Variants in SH3BGRL2 observed in about 807,000 individuals in gnomAD.
SH3BGRL2 encodes the protein SH3 domain binding glutamate rich protein like 2.
SH3BGRL2 carries 21 observed loss-of-function variants against 14.8 expected under a neutral mutation model. That is an observed-to-expected ratio of 1.42 (90% CI 1.01 to 2.05). The LOEUF (loss-of-function observed/expected upper bound fraction) is 2.05. Ranked by LOEUF, SH3BGRL2 falls within the 30% of genes most tolerant of loss-of-function variation. The pLI is 0.00. For missense variants in SH3BGRL2, 147 were observed against 130.8 expected (o/e 1.12, Z -0.61); for synonymous variants, 50 against 47.8 (o/e 1.05, Z -0.19).
At chr6:79,592,891 T>C in the SH3BGRL2 span, among the ~76,000 whole-genome samples, 2 of 152,180 alleles carry the variant, frequency 1.3e-5, no homozygotes, top group Non-Finnish European at 2.9e-5. Flanking sequence ...GTAGCAGAGC[T>C]CAGAATAAAA....
At chr6:79,614,239 C>T in the SH3BGRL2 span, among the ~76,000 whole-genome samples, 4 of 152,174 alleles carry the variant, frequency 2.6e-5, no homozygotes, top group Admixed American at 1.3e-4. Flanking sequence ...TTCTCATTCT[C>T]GTTTCACTGC....
the SH3BGRL2 span, among the ~76,000 whole-genome samples, chr6:79,577,714 G>A: frequency 6.6e-6 from 1 of 152,238 alleles, no homozygotes; most frequent in African/African-American, 2.4e-5. Context: ...CAATGCAGAA[G>A]ACAGGTGATT....
At chr6:79,594,962 T>C in the SH3BGRL2 span, among the ~76,000 whole-genome samples, 2 of 152,166 alleles carry the variant, frequency 1.3e-5, no homozygotes, top group Admixed American at 1.3e-4. Flanking sequence ...AGAGCAAAGA[T>C]TTCAAAATTT....
At chr6:79,678,272 T>C (rs1244170976) in intron 2 of SH3BGRL2, among the ~76,000 whole-genome samples, 1 of 150,776 alleles carries the variant, frequency 6.6e-6, no homozygotes, top group Non-Finnish European at 1.5e-5. Context: ...GATCTGAAAC[T>C]ATATCCCTTA....
At chr6:79,622,746 G>A in the SH3BGRL2 span, among the ~76,000 whole-genome samples, 1 of 152,104 alleles carries the variant, frequency 6.6e-6, no homozygotes, top group African/African-American at 2.4e-5. Context: ...GGGTTTTTAG[G>A]AATTACCAGG....
chr6:79,639,420 C>T (rs1768987997), intron 1 of SH3BGRL2, among the ~76,000 whole-genome samples: 1 of 152,126 alleles, frequency 6.6e-6, no homozygotes, highest in Non-Finnish European at 1.5e-5. Context: ...AAAACCCCAT[C>T]TCTACAAAAA....
intron 1 of SH3BGRL2, among the ~76,000 whole-genome samples, chr6:79,672,477 A>G (rs76700294): frequency 0.12 from 18,118 of 151,946 alleles, 1,231 homozygotes; most frequent in Non-Finnish European, 0.15. Flanking sequence ...TTTTTAACCT[A>G]CTAATATGTC....
chr6:79,581,691 T>C, the SH3BGRL2 span, among the ~76,000 whole-genome samples: 4 of 152,176 alleles, frequency 2.6e-5, no homozygotes, highest in Admixed American at 2.6e-4. Flanking sequence ...TCATACTGAA[T>C]GGGCAAAAAC....
At chr6:79,692,052 C>A (rs1257219607) in intron 2 of SH3BGRL2, among the ~76,000 whole-genome samples, 1 of 152,194 alleles carries the variant, frequency 6.6e-6, no homozygotes, top group South Asian at 2.1e-4. Flanking sequence ...ACCAGTCTAA[C>A]TGGTGTGAGA....
At chr6:79,692,784 G>T (rs1233871930) in intron 2 of SH3BGRL2, among the ~76,000 whole-genome samples, 1 of 152,028 alleles carries the variant, frequency 6.6e-6, no homozygotes, top group Non-Finnish European at 1.5e-5. Context: ...TTGAAGTCAG[G>T]TAGCATGATG....
the SH3BGRL2 span, among the ~76,000 whole-genome samples, chr6:79,568,184 C>T: frequency 1.8e-4 from 27 of 152,192 alleles, no homozygotes; most frequent in East Asian, 3.9e-3. Flanking sequence ...TGAAGATGCG[C>T]ACACCTAACA....
the SH3BGRL2 span, among the ~76,000 whole-genome samples, chr6:79,608,156 G>A: frequency 4.6e-5 from 7 of 152,102 alleles, no homozygotes; most frequent in Admixed American, 2.6e-4. Context: ...TCACTATCAC[G>A]AAAACAGCAA....
At chr6:79,657,619 T>A (rs996723528) in intron 1 of SH3BGRL2, among the ~76,000 whole-genome samples, 11 of 152,076 alleles carry the variant, frequency 7.2e-5, no homozygotes, top group East Asian at 3.9e-4. Context: ...TTAATTTTTT[T>A]TAATTTTTTT....
chr6:79,547,439 G>A, the SH3BGRL2 span, among the ~76,000 whole-genome samples: 5 of 152,092 alleles, frequency 3.3e-5, no homozygotes, highest in African/African-American at 4.8e-5. Flanking sequence ...CACCACACTT[G>A]ACCTGTCTGG....
intron 1 of SH3BGRL2, among the ~76,000 whole-genome samples, chr6:79,641,122 AT>A (rs1473142866): frequency 2.0e-5 from 3 of 150,216 alleles, no homozygotes; most frequent in Non-Finnish European, 4.4e-5. Flanking sequence ...TCCCATGTGT[AT>A]TAAAGCTCAG....
Position 79,696,526 on chromosome 6 carries a change from CT to C in SH3BGRL2, c.277del (p.Ser93HisfsTer3). On this transcript the variant is annotated frameshift_variant, in exon 3 of 4. Transcript: ENST00000369838. LOFTEE classifies it high-confidence loss of function. ...TTGAATCCAAGGAAAGCAACACAGTCTTTTCATTTTTAGGCCTGAAACCACG... is the reference window on the plus strand; with the variant it reads ...TTGAATCCAAGGAAAGCAACACAGTCTTTCATTTTTAGGCCTGAAACCACG... ...FFESKESNTV[F>X]SFLGLKPRLA... 6.3e-7 allele frequency: 1 copy of C among 1,575,254 alleles called. No individual in the cohort carries two copies. The highest frequency in any genetic ancestry group is 8.6e-7 in the Non-Finnish European group (1 of 1,169,192).
intron 2 of SH3BGRL2, among the ~76,000 whole-genome samples, chr6:79,690,946 A>G (rs139485697): frequency 8.5e-5 from 13 of 152,336 alleles, no homozygotes; most frequent in Admixed American, 2.6e-4. Flanking sequence ...TATCTCTACA[A>G]TAATTTCTCT....
chr6:79,593,881 G>A, the SH3BGRL2 span, among the ~76,000 whole-genome samples: 2 of 152,102 alleles, frequency 1.3e-5, no homozygotes, highest in Non-Finnish European at 2.9e-5. Flanking sequence ...AGCAAACAGT[G>A]ACAAGAGATG....
At chr6:79,590,570 G>GAAAACC in the SH3BGRL2 span, among the ~76,000 whole-genome samples, 23 of 151,260 alleles carry the variant, frequency 1.5e-4, no homozygotes, top group East Asian at 1.2e-3. Context: ...TGCAGGAACA[G>GAAAACC]AAAACCAAAT....
Sources: allele counts gnomAD v4.1 joint callset (sites outside exome capture counted in the v4.1 genomes callset), GRCh38; gene constraint gnomAD v4.1.1; transcripts MANE v1.5; gene names NCBI Gene and HGNC (gene_info 2026-07-23, HGNC 2026-07-21).